Variants in MAPK8IP3 observed in about 807,000 individuals in gnomAD.
MAPK8IP3 encodes the protein C-Jun-amino-terminal kinase-interacting protein 3.
In MAPK8IP3, 49 loss-of-function variants were observed where a neutral mutation model predicts 157.8. The ratio of observed to expected loss-of-function variants is 0.31; its 90% CI spans 0.25 to 0.39. The LOEUF is 0.39. Among genes scored for constraint, MAPK8IP3 ranks in the 10% least tolerant of loss-of-function variants. The pLI is 1.00. For missense variants in MAPK8IP3, 1,478 were observed against 1,889.4 expected, an observed-to-expected ratio of 0.78 and a Z score of 4.04; for synonymous variants, 897 against 777.7, an observed-to-expected ratio of 1.15 and a Z score of -2.55.
chr16:1,756,756 A>C (rs1410827193), intron 8 of MAPK8IP3, among the ~76,000 whole-genome samples: 1 of 152,016 alleles, frequency 6.6e-6, no homozygotes, highest in Non-Finnish European at 1.5e-5. Context: ...TGGGAGGTCA[A>C]CGTTGCAGTA....
rs755339222 is a variant in MAPK8IP3 at position 1,768,741 on chromosome 16, G to T, written c.3931G>T (p.Asp1311Tyr). ...CGACGAGACGGAGGAGGGCGCAGGG[G>T]ACATGAGCCAGGTGAAGCCCGTGCT... ...EDDETEEGAG[D>Y]MSQVKPVLSK... The change falls in exon 32 of 32, where the codon GAC (aspartate) becomes TAC (tyrosine). Residue 1311 changes from aspartate (D) to tyrosine (Y), a missense_variant. Coordinates refer to ENST00000610761, the MANE Select transcript of MAPK8IP3 (RefSeq NM_001318852.2). The T allele has an allele frequency of 1.2e-6, 2 of 1,612,784 alleles. No individual in the cohort carries two copies. The highest frequency in any genetic ancestry group is 2.2e-5 in the South Asian group (2 of 91,086).
chr16:1,736,811 ACCGTCCGTGTGAGCG>A (rs2039927329), intron 4 of MAPK8IP3, among the ~76,000 whole-genome samples: 1 of 50,620 alleles, frequency 2.0e-5, no homozygotes, highest in Non-Finnish European at 3.4e-5. Context: ...TGAGCGTGTG[ACCGTCCGTGTGAGCG>A]TCCGTGTGAG....
intron 1 of MAPK8IP3, among the ~76,000 whole-genome samples, chr16:1,723,646 A>G (rs953261190): frequency 5.3e-5 from 8 of 152,148 alleles, no homozygotes; most frequent in South Asian, 2.1e-4. Flanking sequence ...AAACAAAACA[A>G]AAGGCCAGTT....
chr16:1,732,182 G>A (rs891826851), intron 4 of MAPK8IP3, among the ~76,000 whole-genome samples: 5 of 152,160 alleles, frequency 3.3e-5, no homozygotes, highest in Non-Finnish European at 5.9e-5. Flanking sequence ...CTCCAGCAGC[G>A]GGGAGGAAGG....
intron 4 of MAPK8IP3, among the ~76,000 whole-genome samples, chr16:1,736,811 ACCGT>A (rs1321344042): frequency 2.0e-5 from 1 of 50,612 alleles, no homozygotes; most frequent in Admixed American, 3.2e-4. Context: ...TGAGCGTGTG[ACCGT>A]CCGTGTGAGC....
At chr16:1,765,293 A>G in intron 20 of MAPK8IP3, 115 bp downstream of exon 20, 1 of 1,258,978 alleles carries the variant, frequency 7.9e-7, no homozygotes, top group East Asian at 2.6e-5. Flanking sequence ...GGACACGGGA[A>G]TGTGGCAGTG....
chr16:1,748,832 C>G (rs1567184944), intron 8 of MAPK8IP3, 112 bp downstream of exon 8: 1 of 945,148 alleles, frequency 1.1e-6, no homozygotes, highest in Non-Finnish European at 1.7e-6. Context: ...AGCTAGGAAC[C>G]TTTTTTTTTC....
At chr16:1,721,412 G>A (rs2038513613) in intron 1 of MAPK8IP3, among the ~76,000 whole-genome samples, 2 of 152,304 alleles carry the variant, frequency 1.3e-5, no homozygotes, top group Admixed American at 6.5e-5. Flanking sequence ...ACCAGCCTGG[G>A]CAATATAGTG....
chr16:1,756,623 AACACACACACACACACACACAC>A (rs60461442), intron 8 of MAPK8IP3, among the ~76,000 whole-genome samples: 1,723 of 135,702 alleles, frequency 0.013, 14 homozygotes, highest in South Asian at 0.04. Flanking sequence ...TTTTTACTAA[AACACACACACACACACACACAC>A]ACACACACAC....
rs183719367 is a variant in MAPK8IP3 at position 1,716,067 on chromosome 16, G to T, written c.319-8490G>T. ...GTATTACTTTACTCAGCAGGAAAGTGTCCATGGGTTGTGAAAGTTACCAAA... is the reference window on the plus strand; with the variant it reads ...GTATTACTTTACTCAGCAGGAAAGTTTCCATGGGTTGTGAAAGTTACCAAA... On this transcript the variant is annotated intron_variant, in intron 1 of 31. Transcript: ENST00000610761. Among the ~76,000 whole-genome samples the T allele has an allele frequency of 2.0e-5, 3 of 152,256 alleles. No individual in the cohort carries two copies. The East Asian group carries it at 5.8e-4, about 29-fold the overall frequency.
Position 1,736,906 on chromosome 16 carries a change from CTGTG to C in MAPK8IP3, c.603-6423_603-6420del, listed in dbSNP as rs1371872194. Among the ~76,000 whole-genome samples the C allele has an allele frequency of 3.4e-4, 3 of 8,830 alleles. No homozygotes were observed. In the East Asian group the frequency reaches 0.062, roughly 184 times the overall value. The allele number at this position is 8,830 out of a possible 152,430, so 5.8% of individuals were successfully genotyped here. A position where few individuals can be genotyped will look rare whatever the true frequency, so the allele number is the denominator to read the frequency against. On this transcript the variant is annotated intron_variant, in intron 4 of 31. Coordinates refer to ENST00000610761, the MANE Select transcript of MAPK8IP3 (RefSeq NM_001318852.2). ...CGTGTGACCGTCCGTGTGTGACCGT[CTGTG>C]TGAGTGACCATCCATGTGAGCATCC...
At position 1,758,963 on chromosome 16, in the gene MAPK8IP3, G is replaced by C; in HGVS notation, c.1229-15G>C. The C allele has an allele frequency of 1.2e-6, 2 of 1,614,126 alleles. No individual in the cohort carries two copies. Among genetic ancestry groups the C allele is most frequent in the Non-Finnish European group, 8.5e-7 (1 of 1,180,008 alleles). On this transcript the variant is annotated splice_polypyrimidine_tract_variant and intron_variant, in intron 9 of 31. Coordinates refer to ENST00000610761, the MANE Select transcript of MAPK8IP3 (RefSeq NM_001318852.2). The stretch of plus-strand genomic sequence containing the variant: ...CTGGTTGCCCATCTCCTGTGGGACG[G>C]GGACGGCTCCCTAGTGCGCGATGAT...
At chr16:1,758,189 C>T (rs760732238) in intron 9 of MAPK8IP3, 30 bp downstream of exon 9, 3 of 1,612,808 alleles carry the variant, frequency 1.9e-6, no homozygotes, top group African/African-American at 1.3e-5. Context: ...GTCTGTCTCC[C>T]CTCTGTGTGA....
intron 1 of MAPK8IP3, among the ~76,000 whole-genome samples, chr16:1,720,467 C>T (rs933851483): frequency 6.6e-6 from 1 of 152,138 alleles, no homozygotes; most frequent in African/African-American, 2.4e-5. Flanking sequence ...TGGTCGAGTA[C>T]GCCTGTTGGT....
In MAPK8IP3 at chr16:1,760,096, C is replaced by T. The variant is rs997958664; in HGVS notation, c.1304+81C>T. On this transcript the variant is annotated intron_variant, in intron 11 of 31. Coordinates refer to ENST00000610761, the MANE Select transcript of MAPK8IP3 (RefSeq NM_001318852.2). ...TGGGAGAGTGAGCCGGGCCAGAGGGCGCCTTGGGGAGCACCTGGCTCCAAC... is the reference window on the plus strand; with the variant it reads ...TGGGAGAGTGAGCCGGGCCAGAGGGTGCCTTGGGGAGCACCTGGCTCCAAC... 7.6e-5 allele frequency: 114 copies of T among 1,503,770 alleles called. 1 individual carries two copies. Among genetic ancestry groups the T allele is most frequent in the Non-Finnish European group, 9.9e-5 (107 of 1,084,186 alleles). 93.2% of individuals were successfully genotyped at this position (1,503,770 alleles called of 1,614,324 possible).
Position 1,706,701 on chromosome 16 carries a change from C to G in MAPK8IP3, c.318+44C>G, listed in dbSNP as rs1394119217. 1.3e-6 allele frequency: 2 copies of G among 1,492,772 alleles called. No homozygotes were observed. The highest frequency in any genetic ancestry group is 2.1e-5 in the Admixed American group (1 of 48,606). 92.5% of individuals were successfully genotyped at this position (1,492,772 alleles called of 1,614,324 possible). Reference sequence around the variant, plus strand: ...CCGCCCGCATCCCCGTCCCGGACCCCCAGCCAGCCCCGGGCCCCGGACCCA... The same window carrying G: ...CCGCCCGCATCCCCGTCCCGGACCCGCAGCCAGCCCCGGGCCCCGGACCCA... On this transcript the variant is annotated intron_variant, in intron 1 of 31. Transcript: ENST00000610761. This position sits in a 1 kb window ranked among gnomAD's most constrained non-coding sequence, Gnocchi z 5.1.
chr16:1,714,815 C>T (rs1450324448), intron 1 of MAPK8IP3, among the ~76,000 whole-genome samples: 8 of 152,044 alleles, frequency 5.3e-5, no homozygotes, highest in Admixed American at 1.3e-4. Context: ...GCAGGCCTCT[C>T]GTTCAGTGGA....
chr16:1,716,714 G>C (rs943787332), intron 1 of MAPK8IP3, among the ~76,000 whole-genome samples: 44 of 150,372 alleles, frequency 2.9e-4, no homozygotes, highest in African/African-American at 1.0e-3. Flanking sequence ...AGGAGTTTGA[G>C]ACCAGCCTGG....
Position 1,762,917 on chromosome 16 carries a change from A to G in MAPK8IP3, c.1809A>G (p.Ser603=), listed in dbSNP as rs2042037097. 6.2e-7 allele frequency: 1 copy of G among 1,612,140 alleles called. No homozygotes were observed. ...PYPSVNIHYK[S]PTTAGFSQRR... The stretch of plus-strand genomic sequence containing the variant: ...CCTCGGTGAACATCCACTACAAGTC[A>G]CCCACCACTGCCGGCTTCAGCCAGC... Residue 603 remains serine (S), a synonymous_variant, in exon 16 of 32, where the codon TCA becomes TCG. Transcript: ENST00000610761.
Sources: allele counts gnomAD v4.1 joint callset (sites outside exome capture counted in the v4.1 genomes callset), GRCh38; gene constraint gnomAD v4.1.1; non-coding constraint Gnocchi (gnomAD v3.1); transcripts MANE v1.5; gene names NCBI Gene and HGNC (gene_info 2026-07-23, HGNC 2026-07-21).